Variants in LYRM4 observed in about 807,000 individuals in gnomAD.
The protein encoded by LYRM4 is LYR motif containing 4, also known as LYR motif-containing protein 4.
In LYRM4, 9 loss-of-function variants were observed where a neutral mutation model predicts 11.7. The observed-to-expected ratio is 0.77, with a 90% CI of 0.46 to 1.34. The LOEUF (loss-of-function observed/expected upper bound fraction) is 1.34, where lower values mean the gene tolerates loss of function less well. Among genes scored for constraint, LYRM4 ranks in the 40% most tolerant of loss-of-function variants. LYRM4 has a pLI of 0.00. For synonymous variants in LYRM4, 42 were observed against 40.4 expected, an observed-to-expected ratio of 1.04 and a Z score of -0.15; for missense variants, 133 against 112.5, an observed-to-expected ratio of 1.18 and a Z score of -0.82.
At chr6:5,159,184 G>A (rs1298590487) in intron 2 of LYRM4, among the ~76,000 whole-genome samples, 2 of 152,236 alleles carry the variant, frequency 1.3e-5, no homozygotes, top group East Asian at 3.9e-4. Flanking sequence ...AGGTAGGATG[G>A]TCCCCATGGG....
At chr6:5,065,981 G>T in the LYRM4 span, 1 of 292,868 alleles carries the variant, frequency 3.4e-6, no homozygotes. Context: ...TGGTCTATTA[G>T]ATTGGCACTG....
chr6:5,196,615 A>G (rs1275123466), intron 2 of LYRM4, among the ~76,000 whole-genome samples: 2 of 152,224 alleles, frequency 1.3e-5, no homozygotes, highest in Admixed American at 1.3e-4. Flanking sequence ...GGCACAGCAC[A>G]CCACTATCAG....
At chr6:5,033,982 C>G in the LYRM4 span, 1 of 152,298 alleles carries the variant, frequency 6.6e-6, no homozygotes, top group Non-Finnish European at 1.5e-5. Flanking sequence ...CCAGCTCTCA[C>G]ACTAGAAACA....
At chr6:5,113,280 T>C (rs771647368) in intron 2 of LYRM4, 2 of 440,942 alleles carry the variant, frequency 4.5e-6, no homozygotes, top group South Asian at 1.6e-5. Flanking sequence ...TAAAAATATA[T>C]AGGCCATGGT....
intron 2 of LYRM4, among the ~76,000 whole-genome samples, chr6:5,134,877 C>A (rs1756986056): frequency 6.6e-6 from 1 of 152,342 alleles, no homozygotes; most frequent in African/African-American, 2.4e-5. Context: ...CTTCCTCTCC[C>A]TTGGTAACGG....
intron 2 of LYRM4, among the ~76,000 whole-genome samples, chr6:5,118,095 T>TATTTTTG (rs34304149): frequency 4.1e-5 from 4 of 96,884 alleles, no homozygotes; most frequent in Non-Finnish European, 6.2e-5. Context: ...TATATATATA[T>TATTTTTG]TTTTGTTTTG....
chr6:5,063,063 C>T, the LYRM4 span, among the ~76,000 whole-genome samples: 1 of 152,150 alleles, frequency 6.6e-6, no homozygotes, highest in South Asian at 2.1e-4. Context: ...TGAGTCATTT[C>T]CATCTCTGCA....
At chr6:5,251,179 C>T (rs1764412623) in intron 1 of LYRM4, among the ~76,000 whole-genome samples, 1 of 151,838 alleles carries the variant, frequency 6.6e-6, no homozygotes, top group Non-Finnish European at 1.5e-5. Context: ...TATATACATA[C>T]ACACACACAC....
chr6:5,228,612 G>A (rs1763038301), intron 1 of LYRM4, among the ~76,000 whole-genome samples: 1 of 152,012 alleles, frequency 6.6e-6, no homozygotes, highest in Non-Finnish European at 1.5e-5. Context: ...AAAAGATAAT[G>A]CATAAAATCT....
At chr6:5,053,639 AAAAGAAAG>A in the LYRM4 span, among the ~76,000 whole-genome samples, 4 of 151,872 alleles carry the variant, frequency 2.6e-5, no homozygotes, top group Admixed American at 6.5e-5. Flanking sequence ...TGCAAAAAAA[AAAAGAAAG>A]AAAGAAAGAA....
chr6:5,117,206 G>A (rs899747030), intron 2 of LYRM4, among the ~76,000 whole-genome samples: 3 of 152,230 alleles, frequency 2.0e-5, no homozygotes, highest in Non-Finnish European at 4.4e-5. Flanking sequence ...CACCTGGCAA[G>A]AGCCTGCTAA....
chr6:5,182,634 T>C (rs1425689732), intron 2 of LYRM4, among the ~76,000 whole-genome samples: 2 of 152,232 alleles, frequency 1.3e-5, no homozygotes. Flanking sequence ...TTTAGAACAA[T>C]GACTTTAGGA....
chr6:5,104,593 T>G (rs1762604979), downstream of LYRM4: 1 of 152,154 alleles, frequency 6.6e-6, no homozygotes, highest in Admixed American at 6.5e-5. Context: ...TTTTTAAAAA[T>G]TATTAAATGG....
the LYRM4 span, among the ~76,000 whole-genome samples, chr6:5,081,336 G>C: frequency 3.9e-5 from 6 of 152,322 alleles, no homozygotes; most frequent in East Asian, 1.2e-3. Context: ...TGGAGGAGTG[G>C]TGTGGGAGCC....
intron 1 of LYRM4, among the ~76,000 whole-genome samples, chr6:5,228,580 G>T (rs1176727651): frequency 6.6e-6 from 1 of 152,060 alleles, no homozygotes; most frequent in Admixed American, 6.6e-5. Context: ...GCCCAGCCAA[G>T]AAAGTGTCTT....
At chr6:5,254,638 C>T (rs971616396) in intron 1 of LYRM4, among the ~76,000 whole-genome samples, 2 of 152,156 alleles carry the variant, frequency 1.3e-5, no homozygotes, top group African/African-American at 4.8e-5. Flanking sequence ...ACAGGTGCTT[C>T]CTCAACATCT....
chr6:5,105,098 G>A (rs1762623001), downstream of LYRM4: 1 of 152,186 alleles, frequency 6.6e-6, no homozygotes. Flanking sequence ...TTAATACAGA[G>A]ATGCTCTCTG....
chr6:5,244,002 C>T (rs527872673), intron 1 of LYRM4, among the ~76,000 whole-genome samples: 59 of 152,236 alleles, frequency 3.9e-4, no homozygotes, highest in Non-Finnish European at 4.6e-4. Flanking sequence ...TTGAAGACAC[C>T]GTATTTCTAA....
chr6:5,145,771 C>A (rs1757687457), intron 2 of LYRM4, among the ~76,000 whole-genome samples: 1 of 152,170 alleles, frequency 6.6e-6, no homozygotes. Context: ...TTATTTACAC[C>A]CACGGCTTCA....
Sources: gnomAD v4.1 joint callset for allele counts (sites outside exome capture counted in the v4.1 genomes callset) on GRCh38, gnomAD v4.1.1 for gene constraint, MANE v1.5 for transcripts, NCBI Gene and HGNC (gene_info 2026-07-23, HGNC 2026-07-21) for gene names.